FKBP1B: variants seen among roughly 807,000 people sequenced by gnomAD.
FKBP1B encodes peptidyl-prolyl cis-trans isomerase FKBP1B.
In FKBP1B, 4 loss-of-function variants were observed where a neutral mutation model predicts 13.5. The ratio of observed to expected loss-of-function variants is 0.30; its 90% CI spans 0.15 to 0.68. FKBP1B has a LOEUF of 0.68. FKBP1B is among the 30% of genes least tolerant of loss of function. The pLI is 0.76. For missense variants in FKBP1B, 93 were observed against 136.2 expected (o/e 0.68, Z 1.58); for synonymous variants, 54 against 53.6 (o/e 1.01, Z -0.03).
chr2:24,044,018 C>T, the FKBP1B span, among the ~76,000 whole-genome samples: 2 of 152,094 alleles, frequency 1.3e-5, no homozygotes, highest in Admixed American at 6.6e-5. Context: ...TCCCACTGGT[C>T]TTATGAAAGA....
chr2:24,039,567 T>G, the FKBP1B span: 1 of 1,516,484 alleles, frequency 6.6e-7, no homozygotes, highest in Admixed American at 1.9e-5. Flanking sequence ...AAATCTAGAA[T>G]GTAGGACATT....
the FKBP1B span, chr2:24,038,963 T>C: frequency 3.1e-6 from 5 of 1,614,098 alleles, no homozygotes; most frequent in African/African-American, 5.3e-5. Context: ...GAATGCAGGC[T>C]GCTGCCTACT....
chr2:24,063,365 T>A lies in FKBP1B; in HGVS notation c.*173T>A, dbSNP rs1664490009. 1 of 594,266 alleles carries A rather than the reference T, an allele frequency of 1.7e-6. No individual in the cohort carries two copies. Among genetic ancestry groups the A allele is most frequent in the African/African-American group, 1.9e-5 (1 of 52,206 alleles). 36.8% of individuals were successfully genotyped at this position (594,266 alleles called of 1,614,324 possible). On this transcript the variant is annotated 3_prime_UTR_variant, in exon 4 of 4. Transcript: ENST00000380986. ...TTGCTCTGTATGTGTTCGTCAGTGT[T>A]CATGCGAATTCTTGCTTGAGGAAAC...
the FKBP1B span, among the ~76,000 whole-genome samples, chr2:24,033,668 G>A: frequency 6.6e-6 from 1 of 152,196 alleles, no homozygotes; most frequent in African/African-American, 2.4e-5. Context: ...TTGAACCCAG[G>A]AGGCAAAGGT....
chr2:24,045,211 A>G (rs1026612107), upstream of FKBP1B, among the ~76,000 whole-genome samples: 2 of 152,240 alleles, frequency 1.3e-5, no homozygotes, highest in Non-Finnish European at 2.9e-5. Flanking sequence ...TCGATAGGAT[A>G]TAAGTAGTGA....
At chr2:24,053,730 G>A (rs1268619340) in intron 1 of FKBP1B, among the ~76,000 whole-genome samples, 172 bp from the exon 2 acceptor site, 3 of 151,868 alleles carry the variant, frequency 2.0e-5, no homozygotes, top group Non-Finnish European at 2.9e-5. Flanking sequence ...GGCCAGAGAG[G>A]TGACGTGATT....
intron 3 of FKBP1B, among the ~76,000 whole-genome samples, chr2:24,062,736 G>T (rs558251768): frequency 3.3e-5 from 5 of 152,272 alleles, no homozygotes; most frequent in Admixed American, 2.6e-4. Flanking sequence ...TCCTAAAGAG[G>T]CCTATTCTTT....
chr2:24,060,467 G>A (rs1007263362), intron 2 of FKBP1B, among the ~76,000 whole-genome samples: 1 of 152,072 alleles, frequency 6.6e-6, no homozygotes, highest in Non-Finnish European at 1.5e-5. Flanking sequence ...CAGAAGAATC[G>A]ATTGAACCCA....
chr2:24,045,786 A>C (rs1390775755), upstream of FKBP1B: 6 of 152,094 alleles, frequency 3.9e-5, no homozygotes, highest in Admixed American at 3.9e-4. Context: ...CAGCCTAGGC[A>C]ACACAGGGAG....
chr2:24,033,394 T>G, the FKBP1B span: 1 of 240,022 alleles, frequency 4.2e-6, no homozygotes, highest in Admixed American at 5.1e-5. Flanking sequence ...TGGTCAAAAT[T>G]CACATAGCTT....
In FKBP1B at chr2:24,050,061, C is replaced by T. The variant is rs1444485692; in HGVS notation, c.37+175C>T. Among the ~76,000 whole-genome samples, 1 of 152,044 alleles carries T rather than the reference C, an allele frequency of 6.6e-6. No homozygotes were observed. Among genetic ancestry groups the T allele is most frequent in the Non-Finnish European group, 1.5e-5 (1 of 67,988 alleles). On this transcript the variant is annotated intron_variant, in intron 1 of 3. Transcript: ENST00000380986. This position sits in a 1 kb window ranked among gnomAD's most constrained non-coding sequence, Gnocchi z 5.8. The stretch of plus-strand genomic sequence containing the variant: ...GGGGGTCTAGGAGACCATCCTCCGC[C>T]ATCCTCTTCCGCGCTCACCTAGGGG...
Position 24,063,261 on chromosome 2 carries a change from G to A in FKBP1B, c.*69G>A. On this transcript the variant is annotated 3_prime_UTR_variant, in exon 4 of 4. Transcript: ENST00000380986. ...CCCTCCTAGCCTGCTCTGCCACTGG[G>A]ACGGCTCCTGCTTTTGGGGCTCTTG... 6.9e-7 allele frequency: 1 copy of A among 1,446,480 alleles called. No individual in the cohort carries two copies. Among genetic ancestry groups the A allele is most frequent in the Admixed American group, 2.4e-5 (1 of 41,672 alleles). 89.6% of individuals were successfully genotyped at this position (1,446,480 alleles called of 1,614,324 possible).
the FKBP1B span, among the ~76,000 whole-genome samples, chr2:24,034,051 A>C: frequency 6.6e-6 from 1 of 152,246 alleles, no homozygotes; most frequent in Admixed American, 6.5e-5. Flanking sequence ...ATTACAGGGG[A>C]AACTATTTCT....
Position 24,063,482 on chromosome 2 carries a change from C to CCG in FKBP1B, c.*290_*291insCG. The CCG allele has an allele frequency of 5.4e-6, 2 of 369,124 alleles. No homozygotes were observed. 22.9% of individuals were successfully genotyped at this position (369,124 alleles called of 1,614,324 possible). A position where few individuals can be genotyped will look rare whatever the true frequency, so the allele number is the denominator to read the frequency against. On this transcript the variant is annotated 3_prime_UTR_variant, in exon 4 of 4. Coordinates refer to ENST00000380986, the MANE Select transcript of FKBP1B (RefSeq NM_004116.5). ...TGACAGAACACAGATCTCTTGTTCG[C>CCG]ACAATCTACACTGCCTTACCTTCAC...
chr2:24,053,990 C>G (rs1664002377), intron 2 of FKBP1B, 41 bp downstream of exon 2: 4 of 1,587,312 alleles, frequency 2.5e-6, no homozygotes, highest in Non-Finnish European at 3.5e-6. Context: ...TCCTTCCCCT[C>G]CCAAGGCAGG....
At chr2:24,033,400 A>C in the FKBP1B span, 2 of 243,790 alleles carry the variant, frequency 8.2e-6, no homozygotes, top group South Asian at 9.6e-5. Context: ...AAATTCACAT[A>C]GCTTAGAAAA....
chr2:24,052,514 G>A (rs1275500637), intron 1 of FKBP1B, among the ~76,000 whole-genome samples: 6 of 152,114 alleles, frequency 3.9e-5, no homozygotes, highest in African/African-American at 1.4e-4. Flanking sequence ...CCCAGCTCCA[G>A]GGGGCACCTT....
chr2:24,062,331 A>G (rs970625603), intron 3 of FKBP1B, among the ~76,000 whole-genome samples: 1 of 151,872 alleles, frequency 6.6e-6, no homozygotes, highest in Non-Finnish European at 1.5e-5. Flanking sequence ...CACCATCACC[A>G]TCACGCCTGG....
chr2:24,063,404 T>A lies in FKBP1B; in HGVS notation c.*212T>A. On this transcript the variant is annotated 3_prime_UTR_variant, in exon 4 of 4. Transcript: ENST00000380986. ...GCTTGAGGAAACTTCGGTTGCAGAT[T>A]GAAGCATTTCAGGTTGTGCATTTTG... 7.8e-6 allele frequency: 4 copies of A among 513,392 alleles called. No homozygotes were observed. The highest frequency in any genetic ancestry group is 1.4e-5 in the Non-Finnish European group (4 of 295,918). The allele number at this position is 513,392 out of a possible 1,614,324, so 31.8% of individuals were successfully genotyped here. A position where few individuals can be genotyped will look rare whatever the true frequency, so the allele number is the denominator to read the frequency against.
Sources: allele counts gnomAD v4.1 joint callset (sites outside exome capture counted in the v4.1 genomes callset), GRCh38; gene constraint gnomAD v4.1.1; non-coding constraint Gnocchi (gnomAD v3.1); transcripts MANE v1.5; gene names NCBI Gene and HGNC (gene_info 2026-07-23, HGNC 2026-07-21).